The following UNC5D variants were observed in gnomAD, a reference collection of about 807,000 sequenced individuals.
UNC5D encodes the protein unc-5 netrin receptor D.
Under a neutral mutation model 105.4 loss-of-function variants are expected in UNC5D, and 39 were observed. The observed-to-expected ratio is 0.37, with a 90% CI of 0.29 to 0.48. The LOEUF (loss-of-function observed/expected upper bound fraction) is 0.48, where lower values mean the gene tolerates loss of function less well. Ranked by LOEUF, UNC5D falls within the 20% of genes least tolerant of loss-of-function variation. UNC5D has a pLI of 0.98. For missense variants in UNC5D, 991 were observed against 1,202.4 expected, an observed-to-expected ratio of 0.82 and a Z score of 2.60; for synonymous variants, 452 against 450.4, an observed-to-expected ratio of 1.00 and a Z score of -0.04.
chr8:35,340,314 C>T (rs1811369978), intron 1 of UNC5D, among the ~76,000 whole-genome samples: 1 of 152,172 alleles, frequency 6.6e-6, no homozygotes, highest in African/African-American at 2.4e-5. Flanking sequence ...TGATGCTGGA[C>T]ATCCAGTACG....
chr8:35,320,297 C>T (rs1003725998), intron 1 of UNC5D, among the ~76,000 whole-genome samples: 6 of 152,030 alleles, frequency 3.9e-5, no homozygotes, highest in South Asian at 2.1e-4. Flanking sequence ...TCTTAAGACT[C>T]GGAATCAGTA....
chr8:35,704,942 T>C (rs1211803986), intron 7 of UNC5D, among the ~76,000 whole-genome samples: 1 of 150,546 alleles, frequency 6.6e-6, no homozygotes, highest in Admixed American at 6.6e-5. Context: ...CTCTGACTCC[T>C]GTGGCCATGC....
chr8:35,580,251 C>T (rs1818389599), intron 3 of UNC5D, among the ~76,000 whole-genome samples: 2 of 151,952 alleles, frequency 1.3e-5, no homozygotes, highest in African/African-American at 4.8e-5. Context: ...ATTTATGAGC[C>T]TGAATTTCAA....
intron 1 of UNC5D, among the ~76,000 whole-genome samples, chr8:35,461,887 A>G (rs202094261): frequency 7.2e-5 from 11 of 152,188 alleles, no homozygotes; most frequent in Non-Finnish European, 1.3e-4. Flanking sequence ...TGAATAAACT[A>G]TAATAACAAA....
chr8:35,646,319 A>G (rs1388695141), intron 4 of UNC5D, among the ~76,000 whole-genome samples: 1 of 152,106 alleles, frequency 6.6e-6, no homozygotes, highest in Non-Finnish European at 1.5e-5. Context: ...GATGGCAGAA[A>G]TTGTTTGACT....
intron 1 of UNC5D, among the ~76,000 whole-genome samples, chr8:35,527,561 C>A (rs1489288141): frequency 6.6e-6 from 1 of 150,874 alleles, no homozygotes; most frequent in East Asian, 1.9e-4. Flanking sequence ...CTTTTTTTTT[C>A]TTTTTGACTC....
At chr8:35,373,051 C>G (rs1269313573) in intron 1 of UNC5D, among the ~76,000 whole-genome samples, 1 of 152,172 alleles carries the variant, frequency 6.6e-6, no homozygotes, top group Admixed American at 6.5e-5. Context: ...AGTTCCCCCT[C>G]CGTGGTCTGC....
At chr8:35,270,920 C>T (rs6981892) in intron 1 of UNC5D, among the ~76,000 whole-genome samples, 68,117 of 129,976 alleles carry the variant, frequency 0.52, 15,728 homozygotes, top group East Asian at 0.76. Flanking sequence ...AAATGTGCCC[C>T]TATGGTATAT....
At chr8:35,314,129 G>T (rs1458040276) in intron 1 of UNC5D, among the ~76,000 whole-genome samples, 2 of 152,110 alleles carry the variant, frequency 1.3e-5, no homozygotes, top group Non-Finnish European at 2.9e-5. Flanking sequence ...AGAAAAAAAT[G>T]CAGTGGTCAC....
chr8:35,389,901 T>C (rs1273912198), intron 1 of UNC5D, among the ~76,000 whole-genome samples: 1 of 152,228 alleles, frequency 6.6e-6, no homozygotes, highest in Non-Finnish European at 1.5e-5. Context: ...GATATCCACC[T>C]GTTAATCCCA....
intron 4 of UNC5D, among the ~76,000 whole-genome samples, chr8:35,667,745 G>A (rs1249472182): frequency 1.3e-5 from 2 of 152,174 alleles, no homozygotes; most frequent in Non-Finnish European, 2.9e-5. Context: ...TTATGCTCAA[G>A]AATGTCCCGT....
intron 1 of UNC5D, among the ~76,000 whole-genome samples, chr8:35,327,246 C>T (rs1028892684): frequency 2.0e-5 from 3 of 152,148 alleles, no homozygotes; most frequent in African/African-American, 7.2e-5. Flanking sequence ...ACAGCTCACT[C>T]GCTTGCAACT....
rs141697730 is a variant in UNC5D, at chr8:35,740,571, A to G, written c.1767-7956A>G. ...TAATGGGAAGCTAATACAAGCCTCT[A>G]TTTTGACCCCTCTGTGTACCTCAGG... On this transcript the variant is annotated intron_variant, in intron 11 of 16. Coordinates refer to ENST00000404895, the MANE Select transcript of UNC5D (RefSeq NM_080872.4). Among the ~76,000 whole-genome samples, 319 of 152,238 alleles carry G rather than the reference A, an allele frequency of 2.1e-3. 3 individuals are homozygous for G. Among genetic ancestry groups the G allele is most frequent in the African/African-American group, 7.2e-3 (300 of 41,556 alleles).
intron 1 of UNC5D, among the ~76,000 whole-genome samples, chr8:35,418,501 C>T (rs951078986): frequency 6.6e-6 from 1 of 152,106 alleles, no homozygotes; most frequent in Admixed American, 6.5e-5. Context: ...AATATAGACC[C>T]CTGTTGCAGG....
chr8:35,725,038 CACA>C (rs1828785696), intron 9 of UNC5D, among the ~76,000 whole-genome samples: 1 of 152,152 alleles, frequency 6.6e-6, no homozygotes, highest in Non-Finnish European at 1.5e-5. Context: ...CTTAGAGCAT[CACA>C]ACAAGAGATG....
intron 4 of UNC5D, among the ~76,000 whole-genome samples, chr8:35,666,855 G>C (rs1431311495): frequency 6.6e-6 from 1 of 152,104 alleles, no homozygotes; most frequent in Non-Finnish European, 1.5e-5. Context: ...ATTTCCCTCT[G>C]TGGATTTAGA....
chr8:35,447,288 AT>A (rs1176808441), intron 1 of UNC5D, among the ~76,000 whole-genome samples: 9 of 152,080 alleles, frequency 5.9e-5, no homozygotes, highest in Non-Finnish European at 1.0e-4. Flanking sequence ...AATTGATGTA[AT>A]TTAACTTTAT....
intron 1 of UNC5D, among the ~76,000 whole-genome samples, chr8:35,521,188 G>C (rs1813440867): frequency 6.6e-6 from 1 of 152,054 alleles, no homozygotes; most frequent in Non-Finnish European, 1.5e-5. Context: ...AAAATGTAAA[G>C]TTTTTAAAAA....
At chr8:35,655,614 A>G (rs1025179041) in intron 4 of UNC5D, among the ~76,000 whole-genome samples, 4 of 152,236 alleles carry the variant, frequency 2.6e-5, no homozygotes, top group African/African-American at 9.6e-5. Flanking sequence ...AATTTAATTC[A>G]GGAGACAGGA....
Sources: allele counts gnomAD v4.1 joint callset (sites outside exome capture counted in the v4.1 genomes callset), GRCh38; gene constraint gnomAD v4.1.1; transcripts MANE v1.5; gene names NCBI Gene and HGNC (gene_info 2026-07-23, HGNC 2026-07-21).